The following RABGAP1L variants were observed in gnomAD, a reference collection of about 807,000 sequenced individuals.
RABGAP1L encodes the protein rab GTPase-activating protein 1-like.
A neutral mutation model predicts 137.7 loss-of-function variants in RABGAP1L; 63 were observed. The ratio of observed to expected loss-of-function variants is 0.46; its 90% CI spans 0.37 to 0.56. RABGAP1L has a LOEUF of 0.56. Ranked by LOEUF, RABGAP1L falls within the 20% of genes least tolerant of loss-of-function variation. The probability of loss-of-function intolerance (pLI) is 0.00; values close to 1 mark genes in which losing one functional copy is unlikely to be tolerated. For missense variants in RABGAP1L, 1,095 were observed against 1,244.0 expected (o/e 0.88, Z 1.80); for synonymous variants, 431 against 433.7 (o/e 0.99, Z 0.08).
At chr1:174,560,091 G>A (rs1256345479) in intron 13 of RABGAP1L, among the ~76,000 whole-genome samples, 4 of 151,036 alleles carry the variant, frequency 2.6e-5, no homozygotes, top group South Asian at 2.1e-4. Flanking sequence ...CTGAGACCAC[G>A]CCACTGCACT....
At chr1:174,960,667 G>A (rs1669009840) in intron 20 of RABGAP1L, among the ~76,000 whole-genome samples, 1 of 152,092 alleles carries the variant, frequency 6.6e-6, no homozygotes, top group Admixed American at 6.6e-5. Context: ...TATTCCAGGA[G>A]GATTGTCATT....
rs923583035 is a variant in RABGAP1L at position 174,383,649 on chromosome 1, C to T, written c.1560-10346C>T. On this transcript the variant is annotated intron_variant, in intron 12 of 25. Coordinates refer to ENST00000681986, the MANE Select transcript of RABGAP1L (RefSeq NM_001366446.1). ...GGCAATGCCTCGCCCTGCTTCGGCT[C>T]GCGCACGGTGCGCGCACCCACTGGC... is the stretch of plus-strand genomic sequence containing the variant. Among the ~76,000 whole-genome samples, 12 of 152,264 alleles carry T rather than the reference C, an allele frequency of 7.9e-5. No individual in the cohort carries two copies. In the South Asian group the frequency reaches 8.3e-4, roughly 11 times the overall value.
intron 1 of RABGAP1L, among the ~76,000 whole-genome samples, chr1:174,167,704 C>T (rs554328379): frequency 6.6e-6 from 1 of 152,236 alleles, no homozygotes; most frequent in Non-Finnish European, 1.5e-5. Context: ...AATTAGAAGA[C>T]TTTAAGAATC....
rs1395244362 is a variant in RABGAP1L, at chr1:174,670,631, A to G, written c.1825-12891A>G. Among the ~76,000 whole-genome samples the G allele has an allele frequency of 2.6e-5, 4 of 152,252 alleles. 1 individual carries two copies. The East Asian group carries it at 7.7e-4, about 29-fold the overall frequency. ...GTTGTTTTGATTTTTAGATATCACA[A>G]ATAAGTGAGAAAATGTGATGTTTGT... On this transcript the variant is annotated intron_variant, in intron 14 of 25. Transcript: ENST00000681986.
At chr1:174,949,356 G>C (rs1667383912) in intron 19 of RABGAP1L, among the ~76,000 whole-genome samples, 1 of 152,214 alleles carries the variant, frequency 6.6e-6, no homozygotes, top group African/African-American at 2.4e-5. Context: ...CACTAGTTCT[G>C]ATGAAAGGTG....
intron 1 of RABGAP1L, among the ~76,000 whole-genome samples, chr1:174,211,919 G>C (rs539105891): frequency 6.6e-6 from 1 of 152,120 alleles, no homozygotes; most frequent in African/African-American, 2.4e-5. Context: ...GGTCAATTCA[G>C]CAAGAGGATA....
At chr1:174,953,145 T>C (rs968813229) in intron 19 of RABGAP1L, among the ~76,000 whole-genome samples, 4 of 152,014 alleles carry the variant, frequency 2.6e-5, no homozygotes, top group Admixed American at 2.0e-4. Context: ...CTGGTTGATA[T>C]GATTAGTGAG....
At chr1:174,383,564 C>T (rs930038877) in intron 12 of RABGAP1L, among the ~76,000 whole-genome samples, 8 of 152,178 alleles carry the variant, frequency 5.3e-5, no homozygotes, top group African/African-American at 1.4e-4. Context: ...CAGGTGCGTC[C>T]GTCACCGCTT....
At chr1:174,950,019 T>C (rs1667473484) in intron 19 of RABGAP1L, among the ~76,000 whole-genome samples, 1 of 152,166 alleles carries the variant, frequency 6.6e-6, no homozygotes, top group Non-Finnish European at 1.5e-5. Flanking sequence ...TCATGTCATA[T>C]AAGTATTCAT....
intron 18 of RABGAP1L, among the ~76,000 whole-genome samples, chr1:174,785,589 G>C (rs529036429): frequency 1.3e-5 from 2 of 152,130 alleles, no homozygotes; most frequent in Admixed American, 1.3e-4. Flanking sequence ...AAAATAATGC[G>C]TTCTCATTTC....
intron 13 of RABGAP1L, among the ~76,000 whole-genome samples, chr1:174,432,080 A>T (rs938499955): frequency 2.6e-5 from 4 of 152,106 alleles, no homozygotes; most frequent in African/African-American, 9.7e-5. Context: ...TGAGCATAGT[A>T]CCCATAGTTT....
intron 14 of RABGAP1L, among the ~76,000 whole-genome samples, chr1:174,679,539 G>C (rs529569273): frequency 1.3e-5 from 2 of 152,276 alleles, no homozygotes; most frequent in Non-Finnish European, 2.9e-5. Flanking sequence ...CTTCCTCTTT[G>C]AGCACTTATA....
chr1:174,718,945 T>C (rs1025580374), intron 17 of RABGAP1L, among the ~76,000 whole-genome samples: 12 of 151,874 alleles, frequency 7.9e-5, no homozygotes, highest in African/African-American at 2.4e-4. Flanking sequence ...CTTCAAGCTA[T>C]TCTCCTTCCT....
At chr1:174,530,881 G>A (rs1187223840) in intron 13 of RABGAP1L, among the ~76,000 whole-genome samples, 1 of 151,800 alleles carries the variant, frequency 6.6e-6, no homozygotes, top group African/African-American at 2.4e-5. Flanking sequence ...AAATCAGCTT[G>A]TGGAATTTTT....
intron 13 of RABGAP1L, among the ~76,000 whole-genome samples, chr1:174,491,157 A>G (rs1001070679): frequency 2.0e-5 from 3 of 151,966 alleles, no homozygotes; most frequent in Admixed American, 6.6e-5. Flanking sequence ...CATCATAGCT[A>G]CCACAGCTGG....
At chr1:174,633,032 G>T (rs1191203950) in intron 13 of RABGAP1L, among the ~76,000 whole-genome samples, 1 of 152,116 alleles carries the variant, frequency 6.6e-6, no homozygotes, top group Non-Finnish European at 1.5e-5. Context: ...GTTCTGGCCA[G>T]GGCAGTCAGG....
intron 3 of RABGAP1L, among the ~76,000 whole-genome samples, chr1:174,221,562 A>G (rs987166421): frequency 1.3e-4 from 20 of 152,244 alleles, no homozygotes; most frequent in African/African-American, 4.3e-4. Flanking sequence ...AAACATATCA[A>G]TTCCAACAGT....
intron 4 of RABGAP1L, among the ~76,000 whole-genome samples, chr1:174,233,328 A>G (rs1222098799): frequency 6.6e-6 from 1 of 151,298 alleles, no homozygotes; most frequent in Non-Finnish European, 1.5e-5. Flanking sequence ...GGTTAGTTAC[A>G]TATGTATACA....
intron 19 of RABGAP1L, among the ~76,000 whole-genome samples, chr1:174,905,144 A>G (rs947408243): frequency 1.3e-5 from 2 of 152,212 alleles, no homozygotes; most frequent in African/African-American, 4.8e-5. Context: ...CTAAGGAACT[A>G]TATCTAATAA....
Sources: gnomAD v4.1 joint callset for allele counts (sites outside exome capture counted in the v4.1 genomes callset) on GRCh38, gnomAD v4.1.1 for gene constraint, MANE v1.5 for transcripts, NCBI Gene and HGNC (gene_info 2026-07-23, HGNC 2026-07-21) for gene names.